The following TBC1D5 variants were observed in gnomAD, a reference collection of about 807,000 sequenced individuals.
TBC1D5 encodes TBC1 domain family member 5.
A neutral mutation model predicts 100.3 loss-of-function variants in TBC1D5; 75 were observed. The ratio of observed to expected loss-of-function variants is 0.75; its 90% CI spans 0.62 to 0.91. The LOEUF (loss-of-function observed/expected upper bound fraction) is 0.91, where lower values mean the gene tolerates loss of function less well. Ranked by LOEUF, TBC1D5 falls within the 40% of genes least tolerant of loss-of-function variation. The probability of loss-of-function intolerance (pLI) is 0.00; values close to 1 mark genes in which losing one functional copy is unlikely to be tolerated. For synonymous variants in TBC1D5, 323 were observed against 325.6 expected (o/e 0.99, Z 0.09); for missense variants, 910 against 942.4 (o/e 0.97, Z 0.45).
At chr3:17,662,349 T>C (rs150050101) in intron 1 of TBC1D5, among the ~76,000 whole-genome samples, 1 of 152,222 alleles carries the variant, frequency 6.6e-6, no homozygotes, top group Non-Finnish European at 1.5e-5. Flanking sequence ...TGGCTAGAAG[T>C]TGTCACAGTG....
At chr3:17,687,845 T>A (rs1397986997) in intron 1 of TBC1D5, among the ~76,000 whole-genome samples, 1 of 152,212 alleles carries the variant, frequency 6.6e-6, no homozygotes, top group African/African-American at 2.4e-5. Flanking sequence ...CAATGTAGTC[T>A]GTAACACTGT....
chr3:17,701,703 C>A (rs1263549541), intron 1 of TBC1D5, among the ~76,000 whole-genome samples: 1 of 151,964 alleles, frequency 6.6e-6, no homozygotes, highest in African/African-American at 2.4e-5. Flanking sequence ...TTTTTCCAGA[C>A]TAACTGAAGT....
intron 8 of TBC1D5, among the ~76,000 whole-genome samples, chr3:17,398,883 A>C (rs1160745830): frequency 6.6e-6 from 1 of 152,158 alleles, no homozygotes; most frequent in Admixed American, 6.6e-5. Flanking sequence ...TAAATAAAAG[A>C]CCAAACAAAA....
exon 22 of TBC1D5, chr3:17,160,855 G>T: frequency 7.3e-7 from 1 of 1,367,706 alleles, no homozygotes; most frequent in Non-Finnish European, 9.8e-7. Context: ...ATGCATGCCG[G>T]GAAGGAAGCA....
chr3:17,701,527 A>G (rs2073201739), intron 1 of TBC1D5, among the ~76,000 whole-genome samples: 1 of 152,144 alleles, frequency 6.6e-6, no homozygotes, highest in African/African-American at 2.4e-5. Flanking sequence ...TCCAGCTACT[A>G]CAGAGGCGGA....
At chr3:17,441,485 C>A (rs1258612157) in intron 3 of TBC1D5, among the ~76,000 whole-genome samples, 2 of 152,008 alleles carry the variant, frequency 1.3e-5, no homozygotes, top group Non-Finnish European at 2.9e-5. Context: ...GTACAATATG[C>A]AAAGCACAAA....
intron 8 of TBC1D5, among the ~76,000 whole-genome samples, chr3:17,396,721 G>GA (rs1559796931): frequency 2.0e-5 from 3 of 151,942 alleles, no homozygotes; most frequent in South Asian, 4.2e-4. Context: ...AAAAATTCAG[G>GA]AAAGATTTAC....
intron 18 of TBC1D5, among the ~76,000 whole-genome samples, chr3:17,206,779 T>C (rs565670514): frequency 6.6e-6 from 1 of 152,334 alleles, no homozygotes; most frequent in Non-Finnish European, 1.5e-5. Flanking sequence ...CCATGGATAC[T>C]TTCAGATCTT....
chr3:17,467,682 C>A (rs2095323824), intron 3 of TBC1D5, among the ~76,000 whole-genome samples: 1 of 151,982 alleles, frequency 6.6e-6, no homozygotes, highest in South Asian at 2.1e-4. Flanking sequence ...TCAGACCAGC[C>A]TGGCCAACAT....
intron 15 of TBC1D5, among the ~76,000 whole-genome samples, chr3:17,289,216 A>G (rs1041918477): frequency 2.0e-5 from 3 of 151,850 alleles, no homozygotes; most frequent in Non-Finnish European, 4.4e-5. Context: ...TTGCCCATGC[A>G]CCCCCTCCCA....
intron 2 of TBC1D5, among the ~76,000 whole-genome samples, chr3:17,538,781 A>G (rs1260687145): frequency 1.3e-5 from 2 of 152,192 alleles, no homozygotes; most frequent in African/African-American, 2.4e-5. Context: ...GCTCATGCCT[A>G]TAATCCCAGT....
At chr3:17,388,095 T>C (rs948878286) in intron 8 of TBC1D5, among the ~76,000 whole-genome samples, 10 of 152,084 alleles carry the variant, frequency 6.6e-5, no homozygotes, top group Non-Finnish European at 1.0e-4. Context: ...CATAATGGAA[T>C]TTAGACTAAA....
chr3:17,381,962 CCT>C (rs2092962719), intron 9 of TBC1D5, among the ~76,000 whole-genome samples: 1 of 151,976 alleles, frequency 6.6e-6, no homozygotes, highest in African/African-American at 2.4e-5. Flanking sequence ...TATAACTGAA[CCT>C]GTTTCTAGAC....
exon 11 of TBC1D5, chr3:17,374,633 C>T (rs1339439839): frequency 1.9e-6 from 3 of 1,611,224 alleles, no homozygotes; most frequent in African/African-American, 2.7e-5. Context: ...ACTTACTAGG[C>T]ATCATGTTCC....
intron 4 of TBC1D5, among the ~76,000 whole-genome samples, chr3:17,419,600 C>A (rs2094160822): frequency 6.6e-6 from 1 of 152,122 alleles, no homozygotes. Context: ...CCAGCTAGAA[C>A]ACCTAGCAAA....
chr3:17,583,122 A>G (rs913089386), intron 2 of TBC1D5, among the ~76,000 whole-genome samples: 6 of 151,448 alleles, frequency 4.0e-5, no homozygotes, highest in African/African-American at 1.5e-4. Context: ...CTGTCTCTAC[A>G]AAAAATACAA....
intron 13 of TBC1D5, among the ~76,000 whole-genome samples, chr3:17,330,022 C>G (rs1335438443): frequency 6.6e-6 from 1 of 152,122 alleles, no homozygotes; most frequent in East Asian, 1.9e-4. Context: ...AGACAACAAC[C>G]CAGCAGCACT....
At chr3:17,358,768 A>G (rs2091450598) in intron 13 of TBC1D5, among the ~76,000 whole-genome samples, 1 of 152,192 alleles carries the variant, frequency 6.6e-6, no homozygotes, top group African/African-American at 2.4e-5. Context: ...TTTTAATTAA[A>G]AAATTCGAGT....
chr3:17,249,070 T>C (rs546908485), intron 16 of TBC1D5, among the ~76,000 whole-genome samples: 1 of 152,338 alleles, frequency 6.6e-6, no homozygotes, highest in African/African-American at 2.4e-5. Context: ...AGTTAGGGCC[T>C]TGCTTCTAGA....
Sources: gnomAD v4.1 joint callset for allele counts (sites outside exome capture counted in the v4.1 genomes callset) on GRCh38, gnomAD v4.1.1 for gene constraint, MANE v1.5 for transcripts, NCBI Gene and HGNC (gene_info 2026-07-23, HGNC 2026-07-21) for gene names.